Variants in PDLIM5 observed in about 807,000 individuals in gnomAD.
PDLIM5 encodes PDZ and LIM domain 5.
Under a neutral mutation model 64.2 loss-of-function variants are expected in PDLIM5, and 34 were observed. The observed-to-expected ratio is 0.53, with a 90% CI of 0.40 to 0.71. The LOEUF is 0.71. PDLIM5 is among the 30% of genes least tolerant of loss of function. The pLI, the probability that PDLIM5 is intolerant of heterozygous loss-of-function variation, is 0.00. For synonymous variants in PDLIM5, 253 were observed against 269.1 expected, an observed-to-expected ratio of 0.94 and a Z score of 0.59; for missense variants, 683 against 733.6, an observed-to-expected ratio of 0.93 and a Z score of 0.80.
chr4:94,499,992 C>T (rs1385285058), intron 2 of PDLIM5, among the ~76,000 whole-genome samples: 1 of 152,172 alleles, frequency 6.6e-6, no homozygotes, highest in Non-Finnish European at 1.5e-5. Flanking sequence ...AAACCAGTCC[C>T]TGGTGTCAAA....
intron 5 of PDLIM5, among the ~76,000 whole-genome samples, 153 bp downstream of exon 5, chr4:94,576,187 C>T (rs545392882): frequency 2.0e-5 from 3 of 152,160 alleles, no homozygotes; most frequent in Non-Finnish European, 4.4e-5. Context: ...CCTTTATATA[C>T]ATAGGGTACT....
chr4:94,596,816 C>T, intron 7 of PDLIM5, among the ~76,000 whole-genome samples: 1 of 152,028 alleles, frequency 6.6e-6, no homozygotes, highest in Non-Finnish European at 1.5e-5. Flanking sequence ...ATTTAGACAT[C>T]TTCACTTTCC....
In PDLIM5 at chr4:94,595,013, T is replaced by A. The variant is rs540065378; in HGVS notation, c.920+8569T>A. Among the ~76,000 whole-genome samples the A allele has an allele frequency of 2.0e-5, 3 of 152,140 alleles. No homozygotes were observed. In the South Asian group the frequency reaches 6.2e-4, roughly 32 times the overall value. ...GTGGGAGTCCTCAGGAAACTTACAATCATGGTGGAAGGTGAAGGGGAAGCT... is the reference window on the plus strand; with the variant it reads ...GTGGGAGTCCTCAGGAAACTTACAAACATGGTGGAAGGTGAAGGGGAAGCT... On this transcript the variant is annotated intron_variant, in intron 7 of 12. Coordinates refer to ENST00000317968, the MANE Select transcript of PDLIM5 (RefSeq NM_006457.5).
chr4:94,552,864 A>G (rs943361456), intron 3 of PDLIM5, among the ~76,000 whole-genome samples: 5 of 152,166 alleles, frequency 3.3e-5, no homozygotes, highest in African/African-American at 1.2e-4. Context: ...AGGCACATCT[A>G]TGACATGGTC....
chr4:94,465,937 T>A (rs1177159814), intron 2 of PDLIM5, among the ~76,000 whole-genome samples: 1 of 151,866 alleles, frequency 6.6e-6, no homozygotes, highest in East Asian at 1.9e-4. Flanking sequence ...TGTGTGTGTA[T>A]GTGTGTGTGT....
At chr4:94,653,801 A>C (rs892836709) in intron 9 of PDLIM5, among the ~76,000 whole-genome samples, 1 of 152,190 alleles carries the variant, frequency 6.6e-6, no homozygotes, top group African/African-American at 2.4e-5. Context: ...AATTTTTGAA[A>C]TAAATCAGTC....
chr4:94,548,023 C>T (rs538447492), intron 3 of PDLIM5, among the ~76,000 whole-genome samples: 31 of 152,318 alleles, frequency 2.0e-4, no homozygotes, highest in African/African-American at 5.1e-4. Flanking sequence ...ATCATCAAGT[C>T]TCTCACCATT....
chr4:94,523,695 A>ACACT (rs759085029), intron 2 of PDLIM5, 29 bp from the exon 3 acceptor site: 2 of 1,576,110 alleles, frequency 1.3e-6, no homozygotes, highest in Non-Finnish European at 1.7e-6. Flanking sequence ...TCAAAGAGTG[A>ACACT]CACTCCTAAT....
chr4:94,457,048 TTAA>T, intron 2 of PDLIM5: 1 of 916,428 alleles, frequency 1.1e-6, no homozygotes, highest in South Asian at 5.0e-5. Context: ...GTCATTTTGG[TTAA>T]TAATATATGT....
chr4:94,453,863 G>A (rs1452210717), intron 1 of PDLIM5, among the ~76,000 whole-genome samples: 1 of 152,114 alleles, frequency 6.6e-6, no homozygotes, highest in Non-Finnish European at 1.5e-5. Context: ...GAAGTAATGT[G>A]TTATTGCCTT....
At chr4:94,540,875 T>C (rs1731747654) in intron 3 of PDLIM5, among the ~76,000 whole-genome samples, 1 of 152,220 alleles carries the variant, frequency 6.6e-6, no homozygotes, top group Admixed American at 6.5e-5. Flanking sequence ...TTAATTGTTG[T>C]GCAGTTACAA....
chr4:94,527,010 C>CAGGCATGA (rs1730422515), intron 3 of PDLIM5, among the ~76,000 whole-genome samples: 1 of 145,468 alleles, frequency 6.9e-6, no homozygotes, highest in African/African-American at 2.5e-5. Context: ...GCTGGAATTA[C>CAGGCATGA]AGGCATGAGC....
chr4:94,577,288 C>G (rs1462018666), intron 5 of PDLIM5: 3 of 456,430 alleles, frequency 6.6e-6, no homozygotes, highest in Non-Finnish European at 1.3e-5. Context: ...AATGTTAATT[C>G]CTGTAATGAA....
intron 3 of PDLIM5, among the ~76,000 whole-genome samples, chr4:94,548,387 A>C (rs1488793931): frequency 6.6e-6 from 1 of 152,182 alleles, no homozygotes. Context: ...AGGAAAAAAT[A>C]CTCTGAACAT....
intron 3 of PDLIM5, 110 bp from the exon 4 acceptor site, chr4:94,573,241 T>G: frequency 1.4e-6 from 1 of 736,350 alleles, no homozygotes; most frequent in South Asian, 1.7e-5. Flanking sequence ...TACATTCCAG[T>G]GATTCAGTAT....
chr4:94,532,536 C>G (rs1367265639), intron 3 of PDLIM5, among the ~76,000 whole-genome samples: 1 of 152,174 alleles, frequency 6.6e-6, no homozygotes, highest in East Asian at 1.9e-4. Flanking sequence ...TATGCCTAAT[C>G]ATAAGAAACA....
chr4:94,627,970 C>T (rs1054248675), intron 8 of PDLIM5, among the ~76,000 whole-genome samples: 14 of 152,106 alleles, frequency 9.2e-5, no homozygotes, highest in East Asian at 3.8e-4. Flanking sequence ...ACATCTAAAA[C>T]GTTGTATGTA....
At chr4:94,650,274 A>C (rs1741740236) in intron 9 of PDLIM5, among the ~76,000 whole-genome samples, 1 of 151,410 alleles carries the variant, frequency 6.6e-6, no homozygotes, top group Non-Finnish European at 1.5e-5. Flanking sequence ...TTCCTATTTC[A>C]CTCTATTCCT....
chr4:94,556,012 C>T (rs990455423), intron 3 of PDLIM5, among the ~76,000 whole-genome samples: 2 of 151,690 alleles, frequency 1.3e-5, no homozygotes, highest in Admixed American at 6.6e-5. Context: ...CCCATTAACT[C>T]GTCATTTACA....
Sources: gnomAD v4.1 joint callset for allele counts (sites outside exome capture counted in the v4.1 genomes callset) on GRCh38, gnomAD v4.1.1 for gene constraint, MANE v1.5 for transcripts, NCBI Gene and HGNC (gene_info 2026-07-23, HGNC 2026-07-21) for gene names.